Variants in CPNE4 observed in about 807,000 individuals in gnomAD.
CPNE4 encodes copine 4.
Under a neutral mutation model 67.9 loss-of-function variants are expected in CPNE4, and 25 were observed. That is an observed-to-expected ratio of 0.37 (90% CI 0.27 to 0.51). The LOEUF is 0.51. Among genes scored for constraint, CPNE4 ranks in the 20% least tolerant of loss-of-function variants. CPNE4 has a pLI of 0.93. For missense variants in CPNE4, 464 were observed against 690.8 expected (o/e 0.67, Z 3.68); for synonymous variants, 242 against 244.9 (o/e 0.99, Z 0.11).
intron 14 of CPNE4, among the ~76,000 whole-genome samples, chr3:131,544,917 C>A (rs1249281111): frequency 6.6e-6 from 1 of 152,212 alleles, no homozygotes; most frequent in Non-Finnish European, 1.5e-5. Context: ...GTGGATGAAT[C>A]TCCCCTACCT....
At chr3:131,737,303 T>C (rs188523716) in intron 2 of CPNE4, among the ~76,000 whole-genome samples, 2 of 152,006 alleles carry the variant, frequency 1.3e-5, no homozygotes, top group African/African-American at 4.8e-5. Context: ...TTTGTATTTT[T>C]AGTGGAGATG....
chr3:131,544,245 T>C (rs75729490), intron 14 of CPNE4, among the ~76,000 whole-genome samples: 4,202 of 152,280 alleles, frequency 0.028, 64 homozygotes, highest in Middle Eastern at 0.058. Flanking sequence ...AGGAGAAAGA[T>C]TGGATAGAAG....
chr3:131,754,858 C>A (rs1379571764), intron 2 of CPNE4, among the ~76,000 whole-genome samples: 1 of 152,068 alleles, frequency 6.6e-6, no homozygotes, highest in African/African-American at 2.4e-5. Context: ...GATGAATACC[C>A]TGTTAAATAC....
intron 8 of CPNE4, among the ~76,000 whole-genome samples, chr3:131,582,166 A>T (rs1481710163): frequency 2.0e-5 from 3 of 152,194 alleles, no homozygotes; most frequent in Non-Finnish European, 4.4e-5. Flanking sequence ...GGAATAGTGA[A>T]TGCTGGCTAG....
intron 2 of CPNE4, among the ~76,000 whole-genome samples, chr3:131,882,973 TC>T (rs2087739230): frequency 1.3e-5 from 2 of 152,162 alleles, no homozygotes; most frequent in Admixed American, 6.5e-5. Context: ...TGACTCGGGC[TC>T]CCAAAGTGCT....
chr3:131,667,467 C>T (rs1033658714), intron 7 of CPNE4, among the ~76,000 whole-genome samples: 14 of 151,494 alleles, frequency 9.2e-5, no homozygotes, highest in African/African-American at 1.9e-4. Flanking sequence ...GTGTATGTGA[C>T]GGGGGTGAAA....
chr3:131,797,729 A>C (rs1313115115), intron 2 of CPNE4, among the ~76,000 whole-genome samples: 1 of 152,190 alleles, frequency 6.6e-6, no homozygotes, highest in Non-Finnish European at 1.5e-5. Context: ...ATGTTCTGAG[A>C]TATATAAGCT....
chr3:131,814,636 G>A (rs1294041360), intron 2 of CPNE4, among the ~76,000 whole-genome samples: 2 of 92,764 alleles, frequency 2.2e-5, no homozygotes, highest in Non-Finnish European at 3.6e-5. Flanking sequence ...ACGGAGTCTC[G>A]CTCTGTCGCC....
chr3:131,936,283 G>T (rs2071220029), intron 1 of CPNE4, among the ~76,000 whole-genome samples: 1 of 151,930 alleles, frequency 6.6e-6, no homozygotes, highest in Non-Finnish European at 1.5e-5. Flanking sequence ...GACTTATAAA[G>T]GAACTCAACA....
At chr3:131,585,552 G>T (rs1938124901) in intron 8 of CPNE4, among the ~76,000 whole-genome samples, 1 of 151,888 alleles carries the variant, frequency 6.6e-6, no homozygotes, top group South Asian at 2.1e-4. Flanking sequence ...ATTAGGTTTT[G>T]GTATATTTCA....
At chr3:132,001,926 G>A (rs1180013349) in intron 1 of CPNE4, among the ~76,000 whole-genome samples, 2 of 152,050 alleles carry the variant, frequency 1.3e-5, no homozygotes, top group African/African-American at 4.8e-5. Flanking sequence ...AACTTCCCTA[G>A]ATCAGCTGCT....
intron 15 of CPNE4, among the ~76,000 whole-genome samples, chr3:131,541,157 C>A (rs1245426462): frequency 1.3e-5 from 2 of 152,130 alleles, no homozygotes; most frequent in Non-Finnish European, 2.9e-5. Flanking sequence ...CAAAGGCTAT[C>A]CAGTAATACC....
At chr3:131,905,567 A>G in intron 1 of CPNE4, 123 bp from the exon 2 acceptor site, 1 of 849,460 alleles carries the variant, frequency 1.2e-6, no homozygotes, top group Non-Finnish European at 1.8e-6. Context: ...CATTGAAGGT[A>G]TTTATCTCAC....
intron 2 of CPNE4, among the ~76,000 whole-genome samples, chr3:131,880,370 TCCC>T (rs2087627966): frequency 3.9e-5 from 6 of 152,038 alleles, no homozygotes; most frequent in Non-Finnish European, 8.8e-5. Flanking sequence ...CCGCCCGACC[TCCC>T]AAAGTGCTGG....
At chr3:131,911,573 G>A (rs2088977945) in intron 1 of CPNE4, among the ~76,000 whole-genome samples, 1 of 127,298 alleles carries the variant, frequency 7.9e-6, no homozygotes, top group African/African-American at 2.6e-5. Context: ...GTGTGTGTGT[G>A]TGTGTGTGTG....
At chr3:131,696,668 C>T (rs377646909) in intron 4 of CPNE4, 52 bp from the exon 5 acceptor site, 16 of 1,532,462 alleles carry the variant, frequency 1.0e-5, no homozygotes, top group Non-Finnish European at 1.4e-5. Flanking sequence ...TCCTTAGCTC[C>T]AGAACCCATG....
At chr3:131,861,594 C>A (rs1339856845) in intron 2 of CPNE4, among the ~76,000 whole-genome samples, 1 of 152,020 alleles carries the variant, frequency 6.6e-6, no homozygotes, top group South Asian at 2.1e-4. Flanking sequence ...CCATGCTCGG[C>A]TAATTTTTTT....
rs570078144 is a variant in CPNE4 at position 131,846,203 on chromosome 3, T to C, written c.180+59061A>G. On this transcript the variant is annotated intron_variant, in intron 2 of 15. Coordinates refer to ENST00000429747, the MANE Select transcript of CPNE4 (RefSeq NM_130808.3). ...GGAGTTATTGTAATGAGTTAATACA[T>C]GTAAATCACTTAGAAGTTCTTGGCA... 2.0e-5 allele frequency among the ~76,000 whole-genome samples: 3 copies of C among 152,332 alleles called. No individual in the cohort carries two copies. In the South Asian group the frequency reaches 6.2e-4, roughly 32 times the overall value.
intron 6 of CPNE4, among the ~76,000 whole-genome samples, chr3:131,672,796 A>G (rs1405675695): frequency 1.3e-5 from 2 of 151,424 alleles, no homozygotes; most frequent in African/African-American, 2.4e-5. Context: ...TTTTCTCTTC[A>G]CTTTTTTTAT....
Sources: gnomAD v4.1 joint callset for allele counts (sites outside exome capture counted in the v4.1 genomes callset) on GRCh38, gnomAD v4.1.1 for gene constraint, MANE v1.5 for transcripts, NCBI Gene and HGNC (gene_info 2026-07-23, HGNC 2026-07-21) for gene names.